The following SLC23A2 variants were observed in gnomAD, a reference collection of about 807,000 sequenced individuals.
The protein encoded by SLC23A2 is solute carrier family 23 member 2.
In SLC23A2, 36 loss-of-function variants were observed where a neutral mutation model predicts 73.3. That is an observed-to-expected ratio of 0.49 (90% CI 0.38 to 0.65). The LOEUF is 0.65. SLC23A2 is among the 30% of genes least tolerant of loss of function. The probability of loss-of-function intolerance (pLI) is 0.00; values close to 1 mark genes in which losing one functional copy is unlikely to be tolerated. For missense variants in SLC23A2, 507 were observed against 841.6 expected (o/e 0.60, Z 4.92); for synonymous variants, 343 against 327.3 (o/e 1.05, Z -0.52).
intron 15 of SLC23A2, 79 bp from the exon 16 acceptor site, chr20:4,859,463 T>C: frequency 1.1e-6 from 1 of 885,216 alleles, no homozygotes; most frequent in Non-Finnish European, 1.9e-6. Context: ...GGGGCAATGG[T>C]GTGGGCAGAA....
chr20:4,897,229 A>G (rs1389954542), intron 6 of SLC23A2, among the ~76,000 whole-genome samples: 1 of 152,178 alleles, frequency 6.6e-6, no homozygotes, highest in Non-Finnish European at 1.5e-5. Context: ...CGACAACCAT[A>G]GAAAACCCCT....
chr20:4,985,616 T>C (rs2087812428), intron 1 of SLC23A2, among the ~76,000 whole-genome samples: 1 of 152,014 alleles, frequency 6.6e-6, no homozygotes, highest in South Asian at 2.1e-4. Context: ...CCCAGCTAAT[T>C]TTTGTATTCT....
At chr20:4,987,595 T>C (rs1398967970) in intron 1 of SLC23A2, among the ~76,000 whole-genome samples, 2 of 152,176 alleles carry the variant, frequency 1.3e-5, no homozygotes, top group African/African-American at 4.8e-5. Flanking sequence ...ACGCCTATAA[T>C]CTCAGCACTT....
chr20:4,957,278 A>C (rs1489504123), intron 2 of SLC23A2, among the ~76,000 whole-genome samples: 1 of 152,048 alleles, frequency 6.6e-6, no homozygotes, highest in East Asian at 1.9e-4. Context: ...CAACACAGCA[A>C]GACTCCCATC....
chr20:4,911,100 C>T (rs1932128978), intron 4 of SLC23A2, among the ~76,000 whole-genome samples: 1 of 152,154 alleles, frequency 6.6e-6, no homozygotes, highest in African/African-American at 2.4e-5. Flanking sequence ...TGTGGCCCAC[C>T]AAGTCTGTGA....
rs111565515 is a variant in SLC23A2 at position 4,879,408 on chromosome 20, CAAAAAAAAAA to C, written c.824+4224_824+4233del. On this transcript the variant is annotated intron_variant, in intron 9 of 16. Transcript: ENST00000338244. ...GGGCAACCAGAGTAAAACTCTGTCT[CAAAAAAAAAA>C]AAAAAAAAAAAAAAATCCTCCTATT... Among the ~76,000 whole-genome samples the C allele has an allele frequency of 4.4e-3, 189 of 43,018 alleles. 2 individuals carry two copies. The highest frequency in any genetic ancestry group is 0.016 in the African/African-American group (177 of 11,172). 28.2% of individuals were successfully genotyped at this position (43,018 alleles called of 152,430 possible).
chr20:4,862,420 C>A lies in SLC23A2; in HGVS notation c.1487-335G>T, dbSNP rs1339741720. On this transcript the variant is annotated intron_variant, in intron 14 of 16. Transcript: ENST00000338244. This position sits in a 1 kb window ranked among gnomAD's most constrained non-coding sequence, Gnocchi z 5.1. ...ACCTACCTAAATATCTGGTGCATGTCTCTGGTTATTACAGCTAAATGGTGC... is the reference window on the plus strand; with the variant it reads ...ACCTACCTAAATATCTGGTGCATGTATCTGGTTATTACAGCTAAATGGTGC... Among the ~76,000 whole-genome samples, 1 of 152,228 alleles carries A rather than the reference C, an allele frequency of 6.6e-6. No individual in the cohort carries two copies. The highest frequency in any genetic ancestry group is 1.5e-5 in the Non-Finnish European group (1 of 68,036).
chr20:4,935,674 C>T (rs2086951849), intron 2 of SLC23A2, among the ~76,000 whole-genome samples: 1 of 152,076 alleles, frequency 6.6e-6, no homozygotes, highest in Admixed American at 6.6e-5. Flanking sequence ...TGGCGGGCGC[C>T]TGTAGTCCCA....
intron 15 of SLC23A2, among the ~76,000 whole-genome samples, chr20:4,860,029 A>G (rs1023966668): frequency 1.3e-5 from 2 of 152,214 alleles, no homozygotes; most frequent in African/African-American, 2.4e-5. Context: ...GGCTAATGGG[A>G]TAGTAAAATG....
At chr20:4,990,634 A>G (rs1228944399) in intron 1 of SLC23A2, among the ~76,000 whole-genome samples, 1 of 142,772 alleles carries the variant, frequency 7.0e-6, no homozygotes, top group South Asian at 2.4e-4. Context: ...CGGCCTCCCA[A>G]AGTGCTGGGA....
chr20:4,889,030 G>T (rs536085965), intron 6 of SLC23A2, among the ~76,000 whole-genome samples: 1 of 152,294 alleles, frequency 6.6e-6, no homozygotes, highest in East Asian at 1.9e-4. Context: ...ATGATTCTTG[G>T]ATATCTGCTT....
At chr20:4,866,559 C>T (rs2122784154) in intron 13 of SLC23A2, among the ~76,000 whole-genome samples, 2 of 152,334 alleles carry the variant, frequency 1.3e-5, no homozygotes, top group Middle Eastern at 3.4e-3. Context: ...CCTTCCCTCA[C>T]ATCCCCCATA....
intron 4 of SLC23A2, among the ~76,000 whole-genome samples, chr20:4,909,760 T>C (rs1217701834): frequency 6.6e-6 from 1 of 152,166 alleles, no homozygotes; most frequent in Non-Finnish European, 1.5e-5. Flanking sequence ...TTTCACCATG[T>C]TGCCCAGGCT....
At chr20:4,859,442 T>TCCCAA in intron 15 of SLC23A2, 58 bp from the exon 16 acceptor site, 1 of 1,155,352 alleles carries the variant, frequency 8.7e-7, no homozygotes, top group Non-Finnish European at 1.3e-6. Context: ...AGCCTGCCCT[T>TCCCAA]GACTTGGGAA....
intron 6 of SLC23A2, among the ~76,000 whole-genome samples, chr20:4,886,981 G>C (rs1159142468): frequency 6.6e-6 from 1 of 152,198 alleles, no homozygotes; most frequent in African/African-American, 2.4e-5. Context: ...CAGTCTCGTT[G>C]CAAGTCCAGA....
chr20:4,918,648 C>T (rs1932404510), intron 3 of SLC23A2, among the ~76,000 whole-genome samples: 1 of 152,046 alleles, frequency 6.6e-6, no homozygotes, highest in Non-Finnish European at 1.5e-5. Context: ...GCGAAACTGA[C>T]AGCTGTGTGT....
chr20:5,000,238 G>A (rs1279592660), intron 1 of SLC23A2, among the ~76,000 whole-genome samples: 1 of 152,114 alleles, frequency 6.6e-6, no homozygotes, highest in East Asian at 1.9e-4. Context: ...CACCTGCAAC[G>A]GTGAAAAAGG....
chr20:4,988,466 A>C (rs962081359), intron 1 of SLC23A2, among the ~76,000 whole-genome samples: 1 of 151,604 alleles, frequency 6.6e-6, no homozygotes, highest in Admixed American at 6.6e-5. Flanking sequence ...GGCTGGACAC[A>C]GTGGCTCACA....
At chr20:4,926,478 T>C (rs1872109929) in intron 3 of SLC23A2, among the ~76,000 whole-genome samples, 1 of 151,454 alleles carries the variant, frequency 6.6e-6, no homozygotes, top group Non-Finnish European at 1.5e-5. Flanking sequence ...TCAATGTCCC[T>C]AGGGTACGAT....
Sources: gnomAD v4.1 joint callset for allele counts (sites outside exome capture counted in the v4.1 genomes callset) on GRCh38, gnomAD v4.1.1 for gene constraint, Gnocchi (gnomAD v3.1) non-coding constraint, MANE v1.5 for transcripts, NCBI Gene and HGNC (gene_info 2026-07-23, HGNC 2026-07-21) for gene names.